The following FAF1 variants were observed in gnomAD, a reference collection of about 807,000 sequenced individuals.
The protein encoded by FAF1 is FAS-associated factor 1.
Under a neutral mutation model 92.5 loss-of-function variants are expected in FAF1, and 25 were observed. The ratio of observed to expected loss-of-function variants is 0.27; its 90% CI spans 0.20 to 0.38. The LOEUF is 0.38. FAF1 is among the 10% of genes least tolerant of loss of function. The pLI is 1.00. For synonymous variants in FAF1, 234 were observed against 273.2 expected, an observed-to-expected ratio of 0.86 and a Z score of 1.42; for missense variants, 636 against 793.3, an observed-to-expected ratio of 0.80 and a Z score of 2.38.
intron 1 of FAF1, among the ~76,000 whole-genome samples, chr1:50,957,376 G>T (rs1342917567): frequency 1.8e-4 from 10 of 56,410 alleles, no homozygotes; most frequent in South Asian, 5.6e-4. Flanking sequence ...TTTTGAGACA[G>T]AGTCTCGCTC....
intron 1 of FAF1, among the ~76,000 whole-genome samples, chr1:50,921,454 C>G (rs1308835385): frequency 1.3e-5 from 2 of 152,212 alleles, no homozygotes; most frequent in Non-Finnish European, 2.9e-5. Flanking sequence ...AGAATAAAAT[C>G]TATCGTCATG....
At chr1:50,791,400 CTG>C (rs930587224) in intron 3 of FAF1, among the ~76,000 whole-genome samples, 1 of 152,152 alleles carries the variant, frequency 6.6e-6, no homozygotes, top group African/African-American at 2.4e-5. Context: ...TTCTGCAAAA[CTG>C]TATTTTCTTC....
intron 8 of FAF1, among the ~76,000 whole-genome samples, chr1:50,630,800 T>G (rs1653740140): frequency 6.6e-6 from 1 of 151,244 alleles, no homozygotes; most frequent in African/African-American, 2.4e-5. Flanking sequence ...GGTTTCACTT[T>G]CCAGTTTACA....
chr1:50,700,814 CA>C (rs1457718319), intron 7 of FAF1, among the ~76,000 whole-genome samples: 1 of 151,728 alleles, frequency 6.6e-6, no homozygotes, highest in Non-Finnish European at 1.5e-5. Context: ...TTATATGGGC[CA>C]AAAAAGATAT....
At chr1:50,868,097 T>C (rs1048678009) in intron 1 of FAF1, among the ~76,000 whole-genome samples, 1 of 152,122 alleles carries the variant, frequency 6.6e-6, no homozygotes, top group African/African-American at 2.4e-5. Context: ...GAACATTGCA[T>C]GTTCTCATTT....
chr1:50,887,842 G>T (rs1032375201), intron 1 of FAF1, among the ~76,000 whole-genome samples: 1 of 152,314 alleles, frequency 6.6e-6, no homozygotes, highest in African/African-American at 2.4e-5. Context: ...TTTGGCTTAG[G>T]ATTGTCTTGG....
At chr1:50,853,158 A>G (rs1416253326) in intron 2 of FAF1, among the ~76,000 whole-genome samples, 1 of 152,160 alleles carries the variant, frequency 6.6e-6, no homozygotes, top group Non-Finnish European at 1.5e-5. Flanking sequence ...ATAAAGTAGA[A>G]AAGCAGTGCA....
At chr1:50,667,482 T>C (rs889750628) in intron 7 of FAF1, among the ~76,000 whole-genome samples, 2 of 152,206 alleles carry the variant, frequency 1.3e-5, no homozygotes, top group Non-Finnish European at 2.9e-5. Context: ...GAAACTCTTA[T>C]CAGAAACAGC....
At chr1:50,602,157 C>G (rs1419805146) in intron 8 of FAF1, among the ~76,000 whole-genome samples, 1 of 152,210 alleles carries the variant, frequency 6.6e-6, no homozygotes. Flanking sequence ...GAGATTCAAA[C>G]TACAGCTTTA....
chr1:50,737,555 A>T (rs1310678650), intron 6 of FAF1, among the ~76,000 whole-genome samples: 1 of 152,234 alleles, frequency 6.6e-6, no homozygotes, highest in African/African-American at 2.4e-5. Context: ...CACATGGACC[A>T]TAAGTTTGTA....
At chr1:50,546,049 C>T (rs1649000250) in intron 13 of FAF1, among the ~76,000 whole-genome samples, 2 of 152,236 alleles carry the variant, frequency 1.3e-5, no homozygotes, top group Admixed American at 6.5e-5. Context: ...GCCTATAGTC[C>T]CAGCTACTTG....
intron 15 of FAF1, among the ~76,000 whole-genome samples, chr1:50,495,214 C>T (rs1646884654): frequency 6.6e-6 from 1 of 152,100 alleles, no homozygotes; most frequent in Non-Finnish European, 1.5e-5. Flanking sequence ...TTCACTCTTT[C>T]CATATTTTTT....
intron 2 of FAF1, among the ~76,000 whole-genome samples, chr1:50,821,045 C>A (rs1644039038): frequency 6.6e-6 from 1 of 152,022 alleles, no homozygotes; most frequent in Non-Finnish European, 1.5e-5. Flanking sequence ...ATGGCAAGAA[C>A]CACAATTATT....
chr1:50,667,360 T>G (rs1292348598), intron 7 of FAF1, among the ~76,000 whole-genome samples: 1 of 152,204 alleles, frequency 6.6e-6, no homozygotes, highest in African/African-American at 2.4e-5. Flanking sequence ...TACTTCTACT[T>G]GGCCAATGGA....
At chr1:50,802,309 C>T (rs1264478961) in intron 2 of FAF1, among the ~76,000 whole-genome samples, 2 of 152,110 alleles carry the variant, frequency 1.3e-5, no homozygotes, top group African/African-American at 4.8e-5. Context: ...AGGCGGGTCT[C>T]GAACTCCCAA....
intron 9 of FAF1, among the ~76,000 whole-genome samples, chr1:50,585,088 A>G (rs1448066594): frequency 6.6e-6 from 1 of 152,234 alleles, no homozygotes; most frequent in African/African-American, 2.4e-5. Context: ...CCCAGCATAT[A>G]GTATACAAGT....
At chr1:50,694,008 T>TAC (rs201835470) in intron 7 of FAF1, among the ~76,000 whole-genome samples, 1 of 147,860 alleles carries the variant, frequency 6.8e-6, no homozygotes, top group Non-Finnish European at 1.5e-5. Flanking sequence ...ATTATATATA[T>TAC]ACATGACATA....
At chr1:50,845,468 G>A (rs538972011) in intron 2 of FAF1, among the ~76,000 whole-genome samples, 1 of 152,048 alleles carries the variant, frequency 6.6e-6, no homozygotes, top group Non-Finnish European at 1.5e-5. Flanking sequence ...TAGAGGGTTC[G>A]CACCAGGCTG....
chr1:50,858,026 A>C, intron 1 of FAF1, 29 bp from the exon 2 acceptor site: 1 of 1,525,838 alleles, frequency 6.6e-7, no homozygotes, highest in East Asian at 2.3e-5. Context: ...AGCATTTTAC[A>C]TATAATTTTA....
Sources: allele counts gnomAD v4.1 joint callset (sites outside exome capture counted in the v4.1 genomes callset), GRCh38; gene constraint gnomAD v4.1.1; transcripts MANE v1.5; gene names NCBI Gene and HGNC (gene_info 2026-07-23, HGNC 2026-07-21).